Variants in CNTNAP4 observed in about 807,000 individuals in gnomAD.
CNTNAP4 encodes the protein contactin associated protein family member 4.
A neutral mutation model predicts 148.4 loss-of-function variants in CNTNAP4; 98 were observed. The ratio of observed to expected loss-of-function variants is 0.66; its 90% CI spans 0.56 to 0.78. The LOEUF (loss-of-function observed/expected upper bound fraction) is 0.78, where lower values mean the gene tolerates loss of function less well. Among genes scored for constraint, CNTNAP4 ranks in the 30% least tolerant of loss-of-function variants. CNTNAP4 has a pLI of 0.00. For synonymous variants in CNTNAP4, 730 were observed against 565.1 expected (o/e 1.29, Z -4.14); for missense variants, 1,935 against 1,565.6 (o/e 1.24, Z -3.98).
At chr16:76,375,151 G>A (rs1381464735) in intron 3 of CNTNAP4, among the ~76,000 whole-genome samples, 2 of 152,176 alleles carry the variant, frequency 1.3e-5, no homozygotes, top group East Asian at 3.9e-4. Context: ...ACTAGGTGCA[G>A]TGGCTCATGC....
At position 76,436,989 on chromosome 16, in the gene CNTNAP4, C is replaced by CTATT. The variant is rs1555555022; in HGVS notation, c.538+9393_538+9394insTTAT. ...TCTATCTATCTATCTATCTATCTGTCTATCTAGGAGTTTATTAAGGAGTAT... is the reference window on the plus strand; with the variant it reads ...TCTATCTATCTATCTATCTATCTGTCTATTTATCTAGGAGTTTATTAAGGAGTAT... On this transcript the variant is annotated intron_variant, in intron 4 of 23. Coordinates refer to ENST00000611870, the MANE Select transcript of CNTNAP4 (RefSeq NM_033401.5). Among the ~76,000 whole-genome samples the CTATT allele has an allele frequency of 4.7e-3, 710 of 151,404 alleles. 1 individual carries two copies. Among genetic ancestry groups the CTATT allele is most frequent in the African/African-American group, 0.015 (618 of 41,102 alleles).
intron 4 of CNTNAP4, among the ~76,000 whole-genome samples, chr16:76,432,826 A>G (rs1317384264): frequency 6.6e-6 from 1 of 152,082 alleles, no homozygotes; most frequent in Non-Finnish European, 1.5e-5. Context: ...CTCATCCCCA[A>G]CAGAATAAGA....
chr16:76,415,074 G>A (rs1049854944), intron 3 of CNTNAP4, among the ~76,000 whole-genome samples: 1 of 151,004 alleles, frequency 6.6e-6, no homozygotes, highest in African/African-American at 2.4e-5. Context: ...ACAATAGTCT[G>A]AATTTCCAAA....
intron 14 of CNTNAP4, among the ~76,000 whole-genome samples, chr16:76,496,580 G>GAT (rs2082410102): frequency 6.6e-6 from 1 of 152,048 alleles, no homozygotes; most frequent in Admixed American, 6.6e-5. Flanking sequence ...CAATATCCCA[G>GAT]ATATAGAGAT....
intron 12 of CNTNAP4, among the ~76,000 whole-genome samples, chr16:76,481,811 C>G (rs1405687150): frequency 6.6e-6 from 1 of 152,160 alleles, no homozygotes; most frequent in Non-Finnish European, 1.5e-5. Context: ...GACAGATGAT[C>G]TTACTTACCA....
At chr16:76,390,277 C>T (rs1250262021) in intron 3 of CNTNAP4, among the ~76,000 whole-genome samples, 1 of 152,196 alleles carries the variant, frequency 6.6e-6, no homozygotes, top group African/African-American at 2.4e-5. Context: ...TCTCTTACTA[C>T]AGTAACTTAT....
Position 76,423,886 on chromosome 16 carries a change from G to C in CNTNAP4, c.391-3566G>C, listed in dbSNP as rs540661765. On this transcript the variant is annotated intron_variant, in intron 3 of 23. Transcript: ENST00000611870. ...GTGCTACTAAGTAATGCTTTTGCCT[G>C]CTGTATGGCTATACACTCTTCCTAT... Among the ~76,000 whole-genome samples the C allele has an allele frequency of 9.7e-4, 148 of 152,110 alleles. 1 individual carries two copies. Among genetic ancestry groups the C allele is most frequent in the African/African-American group, 3.4e-3 (143 of 41,498 alleles).
chr16:76,513,933 T>A (rs1041469538), intron 15 of CNTNAP4, among the ~76,000 whole-genome samples: 23 of 152,314 alleles, frequency 1.5e-4, no homozygotes, highest in African/African-American at 4.8e-4. Context: ...AATCACTCTA[T>A]CTCATGTTTT....
At chr16:76,431,123 T>C (rs76658769) in intron 4 of CNTNAP4, among the ~76,000 whole-genome samples, 262 of 152,284 alleles carry the variant, frequency 1.7e-3, no homozygotes, top group African/African-American at 6.1e-3. Context: ...TAAGAAAGTT[T>C]ATAGCAGTAG....
rs763693882 is a variant in CNTNAP4, at chr16:76,448,092, A to G, written c.619A>G (p.Ile207Val). Residue 207 changes from isoleucine (I) to valine (V), a missense_variant, in exon 5 of 24, where the codon ATT (isoleucine) becomes GTT (valine). Physicochemically the swap from Ile to Val is conservative, Grantham distance 29. Transcript: ENST00000611870. ...DQKSLSPIKD[I>V]ISLKFKTMQS... ...AAAATCCCTGAGCCCAATAAAAGACATTATTTCTTTGAAATTCAAAACCAT... is the reference window on the plus strand; with the variant it reads ...AAAATCCCTGAGCCCAATAAAAGACGTTATTTCTTTGAAATTCAAAACCAT... 2 of 1,613,742 alleles carry G rather than the reference A, an allele frequency of 1.2e-6. No individual in the cohort carries two copies. The highest frequency in any genetic ancestry group is 2.2e-5 in the South Asian group (2 of 91,082).
At chr16:76,326,474 TG>T (rs527315583) in intron 2 of CNTNAP4, among the ~76,000 whole-genome samples, 65 of 152,214 alleles carry the variant, frequency 4.3e-4, no homozygotes, top group Non-Finnish European at 8.7e-4. Context: ...TTATAAATTA[TG>T]CTGCTATAAA....
intron 1 of CNTNAP4, among the ~76,000 whole-genome samples, chr16:76,284,389 C>G (rs1472618295): frequency 6.6e-6 from 1 of 151,814 alleles, no homozygotes; most frequent in African/African-American, 2.4e-5. Context: ...TGATTTTGAT[C>G]ACTTTAAAAA....
intron 3 of CNTNAP4, among the ~76,000 whole-genome samples, chr16:76,418,475 C>T (rs1327807884): frequency 6.6e-6 from 1 of 150,732 alleles, no homozygotes; most frequent in Non-Finnish European, 1.5e-5. Flanking sequence ...TGTATTGAAT[C>T]TGTTGTTGGG....
At chr16:76,467,224 T>A in intron 9 of CNTNAP4, 128 bp from the exon 10 acceptor site, 1 of 765,868 alleles carries the variant, frequency 1.3e-6, no homozygotes, top group East Asian at 2.7e-5. Flanking sequence ...ATGACTGCAG[T>A]CATTATTCCC....
intron 15 of CNTNAP4, among the ~76,000 whole-genome samples, chr16:76,505,859 C>G (rs112319649): frequency 0.062 from 5,924 of 96,144 alleles, 1,156 homozygotes; most frequent in African/African-American, 0.14. Flanking sequence ...ATGATTGCAC[C>G]ACTGCACTAC....
chr16:76,509,662 A>G (rs2082944117), intron 15 of CNTNAP4, among the ~76,000 whole-genome samples: 1 of 97,340 alleles, frequency 1.0e-5, no homozygotes, highest in African/African-American at 2.6e-5. Flanking sequence ...TGAGAAATGG[A>G]AAAGCTAGCA....
chr16:76,517,374 G>A (rs1376967910), intron 15 of CNTNAP4, among the ~76,000 whole-genome samples: 3 of 152,106 alleles, frequency 2.0e-5, no homozygotes, highest in Non-Finnish European at 4.4e-5. Flanking sequence ...AGGGTGCATG[G>A]AATCTTTCTG....
At chr16:76,280,569 G>A (rs138148367) in intron 1 of CNTNAP4, among the ~76,000 whole-genome samples, 6 of 152,038 alleles carry the variant, frequency 3.9e-5, no homozygotes, top group East Asian at 1.9e-4. Flanking sequence ...AATGAACCAC[G>A]CTCCCTGCCT....
At chr16:76,493,308 G>A (rs2082290988) in intron 13 of CNTNAP4, among the ~76,000 whole-genome samples, 2 of 152,096 alleles carry the variant, frequency 1.3e-5, no homozygotes, top group South Asian at 4.1e-4. Context: ...TATGTTTTCT[G>A]CTGCTGAGGA....
Sources: gnomAD v4.1 joint callset for allele counts (sites outside exome capture counted in the v4.1 genomes callset) on GRCh38, gnomAD v4.1.1 for gene constraint, MANE v1.5 for transcripts, NCBI Gene and HGNC (gene_info 2026-07-23, HGNC 2026-07-21) for gene names.